The following CNNM2 variants were observed in gnomAD, a reference collection of about 807,000 sequenced individuals.
CNNM2 encodes cyclin and CBS domain divalent metal cation transport mediator 2.
A neutral mutation model predicts 66.9 loss-of-function variants in CNNM2; 12 were observed. The ratio of observed to expected loss-of-function variants is 0.18; its 90% CI spans 0.11 to 0.29. The LOEUF (loss-of-function observed/expected upper bound fraction) is 0.29. Ranked by LOEUF, CNNM2 falls within the 10% of genes least tolerant of loss-of-function variation. The pLI is 1.00. For synonymous variants in CNNM2, 557 were observed against 501.8 expected, an observed-to-expected ratio of 1.11 and a Z score of -1.47; for missense variants, 705 against 1,167.7, an observed-to-expected ratio of 0.60 and a Z score of 5.77.
intron 1 of CNNM2, among the ~76,000 whole-genome samples, chr10:102,946,617 A>G (rs1389388864): frequency 6.6e-6 from 1 of 152,146 alleles, no homozygotes; most frequent in African/African-American, 2.4e-5. Context: ...TTTGAGCCCA[A>G]ATTCTTCACT....
At chr10:103,071,679 T>C (rs1218264168) in intron 5 of CNNM2, 95 bp from the exon 6 acceptor site, 1 of 943,974 alleles carries the variant, frequency 1.1e-6, no homozygotes, top group African/African-American at 1.6e-5. Flanking sequence ...TCATATTGTA[T>C]TGATAGAACA....
intron 1 of CNNM2, among the ~76,000 whole-genome samples, chr10:103,005,764 G>A (rs2064214077): frequency 6.6e-6 from 1 of 151,964 alleles, no homozygotes; most frequent in Non-Finnish European, 1.5e-5. Context: ...GGTCTCATTT[G>A]TTCACCCAGG....
intron 1 of CNNM2, among the ~76,000 whole-genome samples, chr10:103,028,431 C>T (rs949755277): frequency 6.6e-6 from 1 of 152,176 alleles, no homozygotes; most frequent in Non-Finnish European, 1.5e-5. Context: ...AAGACATTCT[C>T]AAGCACAACA....
chr10:103,061,068 G>T (rs1049852218), intron 4 of CNNM2, among the ~76,000 whole-genome samples: 3 of 152,030 alleles, frequency 2.0e-5, no homozygotes, highest in Non-Finnish European at 4.4e-5. Context: ...AAAGAGCAAA[G>T]CAGCAAACTA....
chr10:103,020,896 G>A (rs1170517887), intron 1 of CNNM2, among the ~76,000 whole-genome samples: 3 of 152,276 alleles, frequency 2.0e-5, no homozygotes, highest in South Asian at 2.1e-4. Context: ...TGGCTGGAGA[G>A]GGGATGTTTG....
chr10:103,045,467 G>A (rs1026177332), intron 1 of CNNM2, among the ~76,000 whole-genome samples: 2 of 152,146 alleles, frequency 1.3e-5, no homozygotes, highest in Non-Finnish European at 2.9e-5. Context: ...CATTGTCTGC[G>A]TAAGTGCTGG....
intron 1 of CNNM2, among the ~76,000 whole-genome samples, chr10:102,977,999 T>C (rs1423922590): frequency 6.6e-6 from 1 of 151,940 alleles, no homozygotes; most frequent in Non-Finnish European, 1.5e-5. Flanking sequence ...AACCTCCACC[T>C]CCTGGGTTCA....
chr10:103,054,480 A>T lies in CNNM2; in HGVS notation c.1903+14A>T, dbSNP rs759526109. 6.2e-7 allele frequency: 1 copy of T among 1,613,026 alleles called. No homozygotes were observed. The highest frequency in any genetic ancestry group is 8.5e-7 in the Non-Finnish European group (1 of 1,179,290). ...TCCTAGCAACAGGCAAGTGCAGCTTATCACAGTTTGAGATCTCTACCAACC... is the reference window on the plus strand; with the variant it reads ...TCCTAGCAACAGGCAAGTGCAGCTTTTCACAGTTTGAGATCTCTACCAACC... On this transcript the variant is annotated intron_variant, in intron 3 of 7. Coordinates refer to ENST00000369878, the MANE Select transcript of CNNM2 (RefSeq NM_017649.5). The surrounding 1 kb of genome is among the most constrained non-coding windows in gnomAD (Gnocchi z 5.2).
At chr10:103,069,623 C>T (rs534776736) in intron 5 of CNNM2, among the ~76,000 whole-genome samples, 4 of 152,294 alleles carry the variant, frequency 2.6e-5, no homozygotes, top group Admixed American at 2.0e-4. Flanking sequence ...GTTCTCTGAA[C>T]ACAAGATTCC....
At chr10:102,954,869 A>G (rs957383678) in intron 1 of CNNM2, among the ~76,000 whole-genome samples, 8 of 152,172 alleles carry the variant, frequency 5.3e-5, no homozygotes, top group Admixed American at 1.3e-4. Context: ...ACCACTGCTC[A>G]ATGAAATAAA....
rs549412800 is a variant in CNNM2, at chr10:102,972,468, C to T, written c.1621+52367C>T. 7.9e-5 allele frequency among the ~76,000 whole-genome samples: 12 copies of T among 152,164 alleles called. No homozygotes were observed. The East Asian group carries it at 2.3e-3, about 29-fold the overall frequency. On this transcript the variant is annotated intron_variant, in intron 1 of 7. Transcript: ENST00000369878. ...TGGCTAACATGGTGAAACCCTGTCT[C>T]TACTAAAAATACAAAAAAATTAGAC...
rs1039754500 is a variant in CNNM2, at chr10:103,087,256, A to C, written c.*10076A>C. On this transcript the variant is annotated 3_prime_UTR_variant, in exon 8 of 8. Coordinates refer to ENST00000369878, the MANE Select transcript of CNNM2 (RefSeq NM_017649.5). The stretch of plus-strand genomic sequence containing the variant: ...ACTCATAATTTGTTTTAAAAAGCCC[A>C]GTTACAGCTGCCCTGCCTACCCATG... 1.4e-5 allele frequency: 2 copies of C among 146,754 alleles called. No individual in the cohort carries two copies. The highest frequency in any genetic ancestry group is 5.1e-5 in the African/African-American group (2 of 39,150). 9.1% of individuals were successfully genotyped at this position (146,754 alleles called of 1,614,324 possible).
chr10:102,960,466 CAA>C (rs1372724217), intron 1 of CNNM2, among the ~76,000 whole-genome samples: 9 of 152,156 alleles, frequency 5.9e-5, no homozygotes, highest in South Asian at 2.1e-4. Context: ...GTTTTCACCA[CAA>C]AGAGATAAAA....
intron 1 of CNNM2, among the ~76,000 whole-genome samples, chr10:102,942,297 T>C (rs1001144916): frequency 1.4e-4 from 22 of 152,224 alleles, no homozygotes; most frequent in African/African-American, 5.3e-4. Context: ...ACTGAATCTC[T>C]ATACCTATTA....
intron 1 of CNNM2, among the ~76,000 whole-genome samples, chr10:102,921,812 T>C (rs543466524): frequency 1.3e-5 from 2 of 152,338 alleles, no homozygotes; most frequent in African/African-American, 4.8e-5. Flanking sequence ...TACTCATGAA[T>C]TGATAACACT....
At chr10:103,071,062 A>T (rs10883826) in intron 5 of CNNM2, among the ~76,000 whole-genome samples, 1 of 152,016 alleles carries the variant, frequency 6.6e-6, no homozygotes, top group Admixed American at 6.6e-5. Context: ...TACAGATATC[A>T]CAAGGTAAAG....
chr10:103,074,820 C>A (rs1196709902), intron 6 of CNNM2, among the ~76,000 whole-genome samples: 2 of 152,140 alleles, frequency 1.3e-5, no homozygotes, highest in Admixed American at 1.3e-4. Flanking sequence ...GGTGATAAAG[C>A]AAGACCCTGT....
At chr10:102,949,438 G>T (rs1458857564) in intron 1 of CNNM2, among the ~76,000 whole-genome samples, 1 of 150,906 alleles carries the variant, frequency 6.6e-6, no homozygotes. Context: ...GCCTCCCAAA[G>T]TGCTGGGATT....
chr10:102,999,517 A>G (rs1306259379), intron 1 of CNNM2, among the ~76,000 whole-genome samples: 2 of 152,210 alleles, frequency 1.3e-5, no homozygotes, highest in Non-Finnish European at 2.9e-5. Flanking sequence ...ACATTAAAAG[A>G]AATTAAAGAC....
Sources: gnomAD v4.1 joint callset for allele counts (sites outside exome capture counted in the v4.1 genomes callset) on GRCh38, gnomAD v4.1.1 for gene constraint, Gnocchi (gnomAD v3.1) non-coding constraint, MANE v1.5 for transcripts, NCBI Gene and HGNC (gene_info 2026-07-23, HGNC 2026-07-21) for gene names.